SRD5A2: variants seen among roughly 807,000 people sequenced by gnomAD.
SRD5A2 encodes 3-oxo-5-alpha-steroid 4-dehydrogenase 2.
SRD5A2 carries 30 observed loss-of-function variants against 27.4 expected under a neutral mutation model. That is an observed-to-expected ratio of 1.10 (90% CI 0.82 to 1.49). SRD5A2 has a LOEUF of 1.49. SRD5A2 is among the 40% of genes most tolerant of loss of function. The pLI is 0.00. For missense variants in SRD5A2, 348 were observed against 323.4 expected, an observed-to-expected ratio of 1.08 and a Z score of -0.58; for synonymous variants, 141 against 133.6, an observed-to-expected ratio of 1.06 and a Z score of -0.38.
the SRD5A2 span, among the ~76,000 whole-genome samples, chr2:31,629,266 T>C: frequency 1.3e-5 from 2 of 152,158 alleles, no homozygotes; most frequent in African/African-American, 2.4e-5. Flanking sequence ...ATTTCATTCC[T>C]TGGAATCCAT....
At chr2:31,554,486 G>C (rs1484078342) in intron 1 of SRD5A2, among the ~76,000 whole-genome samples, 1 of 152,180 alleles carries the variant, frequency 6.6e-6, no homozygotes, top group African/African-American at 2.4e-5. Context: ...GACATTCCCT[G>C]TGGTATTGGA....
the SRD5A2 span, among the ~76,000 whole-genome samples, chr2:31,634,427 A>G: frequency 6.6e-6 from 1 of 152,190 alleles, no homozygotes; most frequent in Non-Finnish European, 1.5e-5. Flanking sequence ...GAAAACATAG[A>G]GGATGGGGGC....
chr2:31,558,681 T>A (rs1414916160), intron 1 of SRD5A2, among the ~76,000 whole-genome samples: 2 of 152,182 alleles, frequency 1.3e-5, no homozygotes, highest in Admixed American at 6.5e-5. Flanking sequence ...TAATGACATT[T>A]CGGTCAATGG....
At chr2:31,658,835 T>C in the SRD5A2 span, among the ~76,000 whole-genome samples, 2 of 151,986 alleles carry the variant, frequency 1.3e-5, no homozygotes, top group African/African-American at 4.8e-5. Flanking sequence ...TTCCAAAAAA[T>C]TGAGGAGAGG....
the SRD5A2 span, among the ~76,000 whole-genome samples, chr2:31,588,489 A>C: frequency 6.6e-6 from 1 of 152,230 alleles, no homozygotes; most frequent in African/African-American, 2.4e-5. Flanking sequence ...AAAATGCTGA[A>C]GGAAAAATCT....
intron 2 of SRD5A2, among the ~76,000 whole-genome samples, chr2:31,532,976 CACAGCCTGTGGGCCACAT>C (rs1452553673): frequency 1.3e-5 from 2 of 152,076 alleles, no homozygotes; most frequent in Non-Finnish European, 2.9e-5. Context: ...TTGTCCAACC[CACAGCCTGTGGGCCACAT>C]GCAGCCCAGG....
chr2:31,571,818 A>G (rs188900144), intron 1 of SRD5A2, among the ~76,000 whole-genome samples: 1 of 152,224 alleles, frequency 6.6e-6, no homozygotes, highest in Admixed American at 6.5e-5. Flanking sequence ...CCACCATAAA[A>G]TATCATCTCA....
chr2:31,527,356 G>A (rs1665803600), intron 4 of SRD5A2, among the ~76,000 whole-genome samples: 1 of 152,202 alleles, frequency 6.6e-6, no homozygotes, highest in Non-Finnish European at 1.5e-5. Context: ...AAAGGTGGCT[G>A]GTTTTCGGTA....
upstream of SRD5A2, among the ~76,000 whole-genome samples, chr2:31,585,911 A>G (rs1419294699): frequency 6.6e-6 from 1 of 152,070 alleles, no homozygotes; most frequent in Non-Finnish European, 1.5e-5. Context: ...TACCTGTGAT[A>G]ATCCAGCAGT....
At chr2:31,626,617 G>T in the SRD5A2 span, among the ~76,000 whole-genome samples, 1 of 152,164 alleles carries the variant, frequency 6.6e-6, no homozygotes, top group South Asian at 2.1e-4. Context: ...AGATAATCAT[G>T]TGGTTTTTCC....
the SRD5A2 span, among the ~76,000 whole-genome samples, chr2:31,656,963 A>C: frequency 6.6e-6 from 1 of 152,234 alleles, no homozygotes; most frequent in Non-Finnish European, 1.5e-5. Context: ...AAAATATCTG[A>C]ATAATACTTC....
rs1667061819 is a variant in SRD5A2, at chr2:31,580,707, G to A, written c.194C>T (p.Ala65Val). ...LQELPSFAVP[A>V]GILARQPLSL... is the part of the protein sequence containing the mutation. ...GAGGGGCTGCCGGGCGAGGATCCCC[G>A]CGGGCACCGCGAAGGAAGGCAGCTC... Residue 65 changes from alanine to valine, a missense_variant, in exon 1 of 5, where the codon GCG becomes GTG. Transcript: ENST00000622030. 1.2e-6 allele frequency: 2 copies of A among 1,604,426 alleles called. No homozygotes were observed. The highest frequency in any genetic ancestry group is 1.7e-6 in the Non-Finnish European group (2 of 1,178,978).
chr2:31,542,504 G>A (rs1183113842), intron 1 of SRD5A2, among the ~76,000 whole-genome samples: 1 of 151,936 alleles, frequency 6.6e-6, no homozygotes, highest in Non-Finnish European at 1.5e-5. Context: ...GCAAGAACCT[G>A]TCTCAATAAA....
chr2:31,557,467 C>T (rs1572646131), intron 1 of SRD5A2, among the ~76,000 whole-genome samples: 1 of 152,108 alleles, frequency 6.6e-6, no homozygotes, highest in Non-Finnish European at 1.5e-5. Flanking sequence ...TCAGTAAAAC[C>T]ATAATTTTTT....
intron 1 of SRD5A2, among the ~76,000 whole-genome samples, chr2:31,565,611 A>G (rs1170608765): frequency 6.6e-6 from 1 of 151,998 alleles, no homozygotes; most frequent in Non-Finnish European, 1.5e-5. Context: ...TACCAAGAAT[A>G]AAGAAGATTG....
chr2:31,557,231 A>G (rs1180278566), intron 1 of SRD5A2, among the ~76,000 whole-genome samples: 1 of 152,254 alleles, frequency 6.6e-6, no homozygotes, highest in Non-Finnish European at 1.5e-5. Flanking sequence ...ATCACCCTGA[A>G]GACAAATTAA....
At chr2:31,551,908 T>C (rs892515931) in intron 1 of SRD5A2, among the ~76,000 whole-genome samples, 19 of 152,050 alleles carry the variant, frequency 1.2e-4, no homozygotes, top group African/African-American at 4.1e-4. Flanking sequence ...GCTCAAATGA[T>C]TTTTTATAAA....
intron 1 of SRD5A2, among the ~76,000 whole-genome samples, chr2:31,573,151 C>T (rs1422106672): frequency 6.6e-6 from 1 of 152,172 alleles, no homozygotes; most frequent in Admixed American, 6.5e-5. Context: ...TCTTCACTCC[C>T]ACTCACTCCA....
the SRD5A2 span, among the ~76,000 whole-genome samples, chr2:31,609,828 T>A: frequency 2.0e-5 from 3 of 152,048 alleles, no homozygotes; most frequent in Non-Finnish European, 4.4e-5. Flanking sequence ...ACAAGTTATA[T>A]CATTGATAAG....
Sources: allele counts gnomAD v4.1 joint callset (sites outside exome capture counted in the v4.1 genomes callset), GRCh38; gene constraint gnomAD v4.1.1; transcripts MANE v1.5; gene names NCBI Gene and HGNC (gene_info 2026-07-23, HGNC 2026-07-21).